Variants in PRKCE observed in about 807,000 individuals in gnomAD.
The protein encoded by PRKCE is protein kinase C epsilon, also known as protein kinase C epsilon type.
PRKCE carries 16 observed loss-of-function variants against 85.4 expected under a neutral mutation model. The ratio of observed to expected loss-of-function variants is 0.19; its 90% CI spans 0.13 to 0.28. The LOEUF (loss-of-function observed/expected upper bound fraction) is 0.28. PRKCE is among the 10% of genes least tolerant of loss of function. The probability of loss-of-function intolerance (pLI) is 1.00; values close to 1 mark genes in which losing one functional copy is unlikely to be tolerated. For synonymous variants in PRKCE, 388 were observed against 371.5 expected, an observed-to-expected ratio of 1.04 and a Z score of -0.51; for missense variants, 573 against 975.2, an observed-to-expected ratio of 0.59 and a Z score of 5.49.
At chr2:45,698,616 AAG>A (rs1268286261) in intron 1 of PRKCE, among the ~76,000 whole-genome samples, 2 of 151,696 alleles carry the variant, frequency 1.3e-5, no homozygotes, top group Non-Finnish European at 2.9e-5. Flanking sequence ...GAAAGAGAGG[AAG>A]AGAGGGGGAG....
At chr2:45,949,426 GT>G (rs34381919) in intron 2 of PRKCE, among the ~76,000 whole-genome samples, 27 of 114,050 alleles carry the variant, frequency 2.4e-4, no homozygotes, top group African/African-American at 3.6e-4. Flanking sequence ...TTTGATTGTT[GT>G]TTTTTTTTTT....
intron 6 of PRKCE, among the ~76,000 whole-genome samples, chr2:45,990,687 C>G (rs556767651): frequency 6.6e-6 from 1 of 150,430 alleles, no homozygotes; most frequent in East Asian, 1.9e-4. Context: ...TGGAGTCTCG[C>G]TCTGTTGCCC....
chr2:46,055,945 G>A (rs1365690463), intron 10 of PRKCE, among the ~76,000 whole-genome samples: 2 of 152,190 alleles, frequency 1.3e-5, no homozygotes, highest in Admixed American at 1.3e-4. Flanking sequence ...TTACAGGTGT[G>A]AGTCATAGCG....
chr2:46,076,046 T>A (rs1212265994), intron 10 of PRKCE, among the ~76,000 whole-genome samples: 1 of 152,208 alleles, frequency 6.6e-6, no homozygotes, highest in African/African-American at 2.4e-5. Flanking sequence ...TGATTCAGCC[T>A]GGACATTGAT....
intron 10 of PRKCE, among the ~76,000 whole-genome samples, chr2:46,075,218 T>A (rs111336315): frequency 0.013 from 1,963 of 151,884 alleles, 28 homozygotes; most frequent in African/African-American, 0.024. Flanking sequence ...CTTTTTGTAT[T>A]TTTTAGTACA....
chr2:45,809,005 A>T (rs1688461316), intron 1 of PRKCE, among the ~76,000 whole-genome samples: 1 of 152,126 alleles, frequency 6.6e-6, no homozygotes, highest in Admixed American at 6.5e-5. Context: ...TGAACCTGAG[A>T]GTCCTCGTCT....
At chr2:45,968,874 C>G (rs1238052902) in intron 2 of PRKCE, among the ~76,000 whole-genome samples, 1 of 151,856 alleles carries the variant, frequency 6.6e-6, no homozygotes, top group East Asian at 1.9e-4. Context: ...GCCATCTCTC[C>G]CTGAGTCCCT....
intron 1 of PRKCE, among the ~76,000 whole-genome samples, chr2:45,740,757 A>G (rs1682490991): frequency 6.6e-6 from 1 of 152,128 alleles, no homozygotes; most frequent in South Asian, 2.1e-4. Context: ...ACACTCCCAA[A>G]TGTTTCAGTC....
intron 2 of PRKCE, among the ~76,000 whole-genome samples, chr2:45,855,515 A>G (rs968967973): frequency 6.6e-6 from 1 of 152,216 alleles, no homozygotes; most frequent in East Asian, 1.9e-4. Context: ...TTGCTCCTTA[A>G]TGTCTCTCTC....
rs138483863 is a variant in PRKCE, at chr2:46,108,241, A to G, written c.1592+21879A>G. Among the ~76,000 whole-genome samples the G allele has an allele frequency of 6.0e-4, 91 of 152,302 alleles. No homozygotes were observed. In the Middle Eastern group the frequency reaches 0.017, roughly 28 times the overall value. On this transcript the variant is annotated intron_variant, in intron 11 of 14. Coordinates refer to ENST00000306156, the MANE Select transcript of PRKCE (RefSeq NM_005400.3). ...TTTGAGTTTTATGAGTTCTGTGTATATTCTGAATACAAATCCTTTATCAGA... is the reference window on the plus strand; with the variant it reads ...TTTGAGTTTTATGAGTTCTGTGTATGTTCTGAATACAAATCCTTTATCAGA...
At chr2:45,770,169 A>T (rs1482230521) in intron 1 of PRKCE, among the ~76,000 whole-genome samples, 1 of 152,130 alleles carries the variant, frequency 6.6e-6, no homozygotes, top group African/African-American at 2.4e-5. Flanking sequence ...CCTCTCTCGG[A>T]CTGCAGCCCT....
chr2:45,655,871 A>G (rs1675356137), intron 1 of PRKCE, among the ~76,000 whole-genome samples: 1 of 130,144 alleles, frequency 7.7e-6, no homozygotes, highest in Non-Finnish European at 1.6e-5. Context: ...AAAAAAAAAA[A>G]GGTAGGGAGA....
intron 2 of PRKCE, among the ~76,000 whole-genome samples, chr2:45,906,371 C>A (rs1052367644): frequency 3.3e-5 from 5 of 152,220 alleles, no homozygotes; most frequent in African/African-American, 1.2e-4. Context: ...AATTAAACCC[C>A]TGTGGATCTT....
At chr2:46,121,712 C>T (rs774534614) in intron 11 of PRKCE, among the ~76,000 whole-genome samples, 1 of 152,206 alleles carries the variant, frequency 6.6e-6, no homozygotes, top group Non-Finnish European at 1.5e-5. Flanking sequence ...TCAGTGAGCA[C>T]ATTTGAACTG....
At chr2:45,896,921 A>G (rs1397744632) in intron 2 of PRKCE, among the ~76,000 whole-genome samples, 1 of 152,082 alleles carries the variant, frequency 6.6e-6, no homozygotes, top group East Asian at 1.9e-4. Context: ...CCATCTCAAT[A>G]AAAATTTAAG....
chr2:45,664,920 C>T lies in PRKCE; in HGVS notation c.348+12472C>T, dbSNP rs144112951. On this transcript the variant is annotated intron_variant, in intron 1 of 14. Coordinates refer to ENST00000306156, the MANE Select transcript of PRKCE (RefSeq NM_005400.3). ...CTACCATGTGAGTCTTATATATGCC[C>T]AACCTCTAATGCAGTGCACACTGAT... is the stretch of plus-strand genomic sequence containing the variant. Among the ~76,000 whole-genome samples the T allele has an allele frequency of 4.4e-3, 665 of 152,326 alleles. 3 individuals carry two copies. Among genetic ancestry groups the T allele is most frequent in the Non-Finnish European group, 7.1e-3 (480 of 68,030 alleles).
At chr2:45,963,716 C>T (rs1475486754) in intron 2 of PRKCE, among the ~76,000 whole-genome samples, 1 of 152,182 alleles carries the variant, frequency 6.6e-6, no homozygotes, top group African/African-American at 2.4e-5. Flanking sequence ...TTCTTCCTTC[C>T]CAGGTCATCT....
intron 2 of PRKCE, among the ~76,000 whole-genome samples, chr2:45,957,796 C>T (rs182962923): frequency 7.2e-5 from 11 of 152,102 alleles, no homozygotes; most frequent in Admixed American, 2.0e-4. Context: ...CCTGTAGCCC[C>T]GCATACTTGG....
At chr2:45,946,917 G>A (rs1441638057) in intron 2 of PRKCE, among the ~76,000 whole-genome samples, 3 of 152,230 alleles carry the variant, frequency 2.0e-5, no homozygotes, top group Non-Finnish European at 4.4e-5. Context: ...ACAGCCAGGA[G>A]CTCCAAGAAC....
Sources: gnomAD v4.1 joint callset for allele counts (sites outside exome capture counted in the v4.1 genomes callset) on GRCh38, gnomAD v4.1.1 for gene constraint, MANE v1.5 for transcripts, NCBI Gene and HGNC (gene_info 2026-07-23, HGNC 2026-07-21) for gene names.